The following PJA2 variants were observed in gnomAD, a reference collection of about 807,000 sequenced individuals.
PJA2 encodes praja ring finger ubiquitin ligase 2.
In PJA2, 25 loss-of-function variants were observed where a neutral mutation model predicts 69.3. The ratio of observed to expected loss-of-function variants is 0.36; its 90% CI spans 0.26 to 0.50. PJA2 has a LOEUF of 0.50. Among genes scored for constraint, PJA2 ranks in the 20% least tolerant of loss-of-function variants. PJA2 has a pLI of 0.96. For synonymous variants in PJA2, 308 were observed against 277.8 expected, an observed-to-expected ratio of 1.11 and a Z score of -1.08; for missense variants, 809 against 830.2, an observed-to-expected ratio of 0.97 and a Z score of 0.31.
chr5:109,376,222 C>A (rs2127005093), intron 4 of PJA2, among the ~76,000 whole-genome samples: 1 of 142,340 alleles, frequency 7.0e-6, no homozygotes, highest in African/African-American at 2.6e-5. Context: ...TTTCTATTAA[C>A]TGTAAATGTT....
chr5:109,337,563 G>T (rs1488159121), intron 9 of PJA2, among the ~76,000 whole-genome samples: 1 of 152,098 alleles, frequency 6.6e-6, no homozygotes, highest in Admixed American at 6.6e-5. Flanking sequence ...GAGGGTAAAT[G>T]ATGTCTCTTA....
intron 1 of PJA2, among the ~76,000 whole-genome samples, chr5:109,394,378 A>T (rs1747357022): frequency 6.6e-6 from 1 of 152,062 alleles, no homozygotes; most frequent in South Asian, 2.1e-4. Flanking sequence ...GCTGGTGTTT[A>T]TATTGACTTC....
At chr5:109,364,742 G>C (rs1342899715) in intron 5 of PJA2, among the ~76,000 whole-genome samples, 1 of 141,264 alleles carries the variant, frequency 7.1e-6, no homozygotes, top group Non-Finnish European at 1.6e-5. Context: ...GAGAGACAAA[G>C]GGCTTTTCCT....
intron 4 of PJA2, among the ~76,000 whole-genome samples, chr5:109,371,219 A>G (rs1477788333): frequency 6.6e-6 from 1 of 152,172 alleles, no homozygotes; most frequent in Non-Finnish European, 1.5e-5. Context: ...AATGCTAAGG[A>G]GACAACTTTT....
At chr5:109,354,947 T>C (rs1762388134) in intron 7 of PJA2, among the ~76,000 whole-genome samples, 1 of 151,610 alleles carries the variant, frequency 6.6e-6, no homozygotes, top group African/African-American at 2.4e-5. Context: ...GGACCCTATC[T>C]CTACCAAAAA....
chr5:109,359,988 G>C (rs892421568), intron 6 of PJA2, among the ~76,000 whole-genome samples: 7 of 152,128 alleles, frequency 4.6e-5, no homozygotes, highest in Non-Finnish European at 8.8e-5. Flanking sequence ...TAAGTATAAA[G>C]AAAGGAAAGA....
chr5:109,388,692 A>G (rs1002415014), intron 1 of PJA2, among the ~76,000 whole-genome samples: 11 of 152,206 alleles, frequency 7.2e-5, no homozygotes, highest in African/African-American at 2.7e-4. Context: ...GTTGAGAATC[A>G]AATACAATTT....
chr5:109,398,673 T>C (rs1379983757), intron 1 of PJA2, among the ~76,000 whole-genome samples: 2 of 151,158 alleles, frequency 1.3e-5, no homozygotes, highest in African/African-American at 2.4e-5. Flanking sequence ...ATATACCTAA[T>C]GTAAATGACG....
At chr5:109,343,268 C>A (rs111946182) in intron 9 of PJA2, among the ~76,000 whole-genome samples, 1 of 47,884 alleles carries the variant, frequency 2.1e-5, no homozygotes, top group African/African-American at 1.7e-4. Context: ...GGATTAAGGG[C>A]GGTGCAAAAA....
chr5:109,342,165 G>A (rs1582580408), intron 9 of PJA2, among the ~76,000 whole-genome samples: 5 of 100,956 alleles, frequency 5.0e-5, no homozygotes, highest in East Asian at 2.8e-4. Context: ...TCAGCCCCCC[G>A]CCCGGCCAGC....
chr5:109,341,128 G>A (rs1762046694), intron 9 of PJA2, among the ~76,000 whole-genome samples: 1 of 109,140 alleles, frequency 9.2e-6, no homozygotes, highest in Non-Finnish European at 2.1e-5. Flanking sequence ...GAGCCCCTCT[G>A]CCTGGCTGCC....
At chr5:109,389,619 T>C (rs1335761592) in intron 1 of PJA2, among the ~76,000 whole-genome samples, 1 of 152,042 alleles carries the variant, frequency 6.6e-6, no homozygotes, top group South Asian at 2.1e-4. Context: ...CATTGATTTC[T>C]ACTTTTATAC....
At chr5:109,374,704 G>A (rs961388121) in intron 4 of PJA2, among the ~76,000 whole-genome samples, 9 of 152,114 alleles carry the variant, frequency 5.9e-5, no homozygotes, top group Admixed American at 2.6e-4. Flanking sequence ...CTTAAGTAAG[G>A]TTTTTAAATT....
At chr5:109,359,007 G>C (rs1242875883) in intron 6 of PJA2, among the ~76,000 whole-genome samples, 4 of 152,042 alleles carry the variant, frequency 2.6e-5, no homozygotes, top group African/African-American at 9.7e-5. Flanking sequence ...TGGGTAGGTG[G>C]GTACCCTTAA....
At chr5:109,405,949 A>AGT (rs1165223754) in intron 1 of PJA2, among the ~76,000 whole-genome samples, 2 of 151,786 alleles carry the variant, frequency 1.3e-5, no homozygotes, top group South Asian at 2.1e-4. Flanking sequence ...TTCAGATTGC[A>AGT]GTGTGTGTGT....
intron 9 of PJA2, among the ~76,000 whole-genome samples, chr5:109,337,935 T>C (rs950105110): frequency 6.6e-6 from 1 of 152,106 alleles, no homozygotes; most frequent in African/African-American, 2.4e-5. Context: ...GCCATGACAT[T>C]TCTTTCCAAA....
chr5:109,344,052 G>T, intron 9 of PJA2, 138 bp downstream of exon 9: 2 of 529,760 alleles, frequency 3.8e-6, no homozygotes, highest in East Asian at 3.8e-5. Context: ...AGCCGAGATC[G>T]AACCACTGCA....
chr5:109,351,255 C>G lies in PJA2; in HGVS notation c.1764+4660G>C, dbSNP rs879834297. ...CCTATTAATTTATTTAGGTGAACAA[C>G]GTTTTTCAACCTTACATTCATAAGA... On this transcript the variant is annotated intron_variant, in intron 7 of 9. Transcript: ENST00000361189. Among the ~76,000 whole-genome samples the G allele has an allele frequency of 1.8e-3, 267 of 152,050 alleles. 1 individual carries two copies. The highest frequency in any genetic ancestry group is 4.4e-3 in the Admixed American group (67 of 15,258).
chr5:109,378,585 T>C lies in PJA2; in HGVS notation c.902A>G (p.Asp301Gly), dbSNP rs201456574. 2.5e-5 allele frequency: 41 copies of C among 1,614,064 alleles called. No individual in the cohort carries two copies. The highest frequency in any genetic ancestry group is 2.2e-5 in the South Asian group (2 of 91,088). Residue 301 changes from aspartate (D) to glycine (G), a missense_variant, in exon 4 of 10, where the codon GAT (aspartate) becomes GGT (glycine). Coordinates refer to ENST00000361189, the MANE Select transcript of PJA2 (RefSeq NM_014819.5). ...GHICSEQNTN[D>G]REKNHGSSPE... is the part of the protein sequence containing the mutation. ...AGAACTTCCATGGTTCTTTTCCCTA[T>C]CATTGGTATTTTGTTCACTACAAAT...
Sources: allele counts gnomAD v4.1 joint callset (sites outside exome capture counted in the v4.1 genomes callset), GRCh38; gene constraint gnomAD v4.1.1; transcripts MANE v1.5; gene names NCBI Gene and HGNC (gene_info 2026-07-23, HGNC 2026-07-21).